The following ZFP64 variants were observed in gnomAD, a reference collection of about 807,000 sequenced individuals.
The protein encoded by ZFP64 is ZFP64 zinc finger protein.
A neutral mutation model predicts 51.6 loss-of-function variants in ZFP64; 14 were observed. The ratio of observed to expected loss-of-function variants is 0.27; its 90% CI spans 0.18 to 0.42. ZFP64 has a LOEUF of 0.42. Among genes scored for constraint, ZFP64 ranks in the 10% least tolerant of loss-of-function variants. The pLI, the probability that ZFP64 is intolerant of heterozygous loss-of-function variation, is 1.00. For synonymous variants in ZFP64, 375 were observed against 361.4 expected (o/e 1.04, Z -0.43); for missense variants, 754 against 906.8 (o/e 0.83, Z 2.16).
chr20:52,105,879 C>G (rs1242536452), intron 5 of ZFP64, among the ~76,000 whole-genome samples: 1 of 152,042 alleles, frequency 6.6e-6, no homozygotes, highest in African/African-American at 2.4e-5. Context: ...CCCTCACCAC[C>G]CCCATCACAC....
At chr20:52,159,009 T>C (rs1192837325) in intron 5 of ZFP64, among the ~76,000 whole-genome samples, 2 of 152,160 alleles carry the variant, frequency 1.3e-5, no homozygotes, top group African/African-American at 4.8e-5. Flanking sequence ...CAGAACCAGA[T>C]TGCCTCAGCC....
At chr20:52,129,358 A>G (rs1450273097) in intron 5 of ZFP64, among the ~76,000 whole-genome samples, 1 of 147,064 alleles carries the variant, frequency 6.8e-6, no homozygotes, top group Middle Eastern at 3.7e-3. Context: ...GGGTTTTGCT[A>G]TGTTGCCCAG....
At chr20:52,093,264 C>T (rs763130542) in intron 7 of ZFP64, among the ~76,000 whole-genome samples, 3 of 152,128 alleles carry the variant, frequency 2.0e-5, no homozygotes, top group Non-Finnish European at 4.4e-5. Context: ...CCTCAGCCTC[C>T]TAAGTAGCTG....
intron 3 of ZFP64, 88 bp from the exon 4 acceptor site, chr20:52,164,845 T>A: frequency 9.3e-7 from 1 of 1,077,568 alleles, no homozygotes; most frequent in African/African-American, 1.5e-5. Flanking sequence ...CTTAACCAAG[T>A]GACAAGAGTT....
chr20:52,098,518 G>GC lies in ZFP64; in HGVS notation c.832dup (p.Ala278GlyfsTer56). Reference sequence around the variant, plus strand: ...CTCTGAGGGAAGAGTGATGACAGGGGCCTTCGGAGTGTCAGTGCTTTCAGT... The same window carrying GC: ...CTCTGAGGGAAGAGTGATGACAGGGGCCCTTCGGAGTGTCAGTGCTTTCAGT... On this transcript the variant is annotated frameshift_variant, in exon 6 of 9. Transcript: ENST00000361387. LOFTEE classifies it high-confidence loss of function. 1.9e-6 allele frequency: 3 copies of GC among 1,614,172 alleles called. No homozygotes were observed. Among genetic ancestry groups the GC allele is most frequent in the Non-Finnish European group, 2.5e-6 (3 of 1,180,040 alleles).
chr20:52,164,552 C>A (rs1982081628), intron 4 of ZFP64, 143 bp downstream of exon 4: 2 of 726,956 alleles, frequency 2.8e-6, no homozygotes, highest in South Asian at 1.8e-5. Flanking sequence ...ACAAATGGCA[C>A]CTTATTTTTT....
rs758688097 is a variant in ZFP64, at chr20:52,152,778, C to T, written c.1414G>A (p.Ala472Thr). 6.9e-5 allele frequency: 111 copies of T among 1,604,902 alleles called. No individual in the cohort carries two copies. Among genetic ancestry groups the T allele is most frequent in the Non-Finnish European group, 8.9e-5 (105 of 1,173,850 alleles). The change falls in exon 6 of 6, where the codon GCC becomes ACC. Residue 472 changes from alanine to threonine, a missense_variant. Ala to Thr is a moderately conservative substitution (Grantham distance 58). Transcript: ENST00000216923. Reference sequence around the variant, plus strand: ...AGGTGTCCCACAGTGAGGGGCGTGGCGGGCTGCTTGCTGGGGTCGATCTGA... The same window carrying T: ...AGGTGTCCCACAGTGAGGGGCGTGGTGGGCTGCTTGCTGGGGTCGATCTGA... ...QFQIDPSKQP[A>T]TPLTVGHLQV...
intron 5 of ZFP64, among the ~76,000 whole-genome samples, chr20:52,113,981 T>C (rs1320279614): frequency 6.6e-6 from 1 of 151,980 alleles, no homozygotes; most frequent in Non-Finnish European, 1.5e-5. Context: ...AACACAAATG[T>C]AATAGCCAGC....
At chr20:52,133,661 C>A (rs1979831544) in intron 5 of ZFP64, among the ~76,000 whole-genome samples, 1 of 152,136 alleles carries the variant, frequency 6.6e-6, no homozygotes, top group South Asian at 2.1e-4. Flanking sequence ...GAACATACGA[C>A]CTGGCTTCCT....
rs761392470 is a variant in ZFP64, at chr20:52,152,722, G to C, written c.1470C>G (p.Pro490=). The change falls in exon 6 of 6, where the codon CCC becomes CCG. Residue 490 remains proline, a synonymous_variant. Coordinates refer to ENST00000216923, the MANE Select transcript of ZFP64 (RefSeq NM_018197.3). ...LQVPLQPSQV[P]QFSEGRVKII... ...TTTTGACTCTTCCCTCGCTGAACTGGGGCACTTGGCTGGGCTGGAGGGGCA... is the reference window on the plus strand; with the variant it reads ...TTTTGACTCTTCCCTCGCTGAACTGCGGCACTTGGCTGGGCTGGAGGGGCA... The C allele has an allele frequency of 6.4e-7, 1 of 1,570,490 alleles. No homozygotes were observed. Among genetic ancestry groups the C allele is most frequent in the Non-Finnish European group, 8.6e-7 (1 of 1,156,824 alleles).
At chr20:52,096,563 G>T (rs978600721) in intron 7 of ZFP64, among the ~76,000 whole-genome samples, 1 of 152,216 alleles carries the variant, frequency 6.6e-6, no homozygotes, top group Non-Finnish European at 1.5e-5. Context: ...ACAGATTAAG[G>T]GTTGGCAAAG....
intron 5 of ZFP64, among the ~76,000 whole-genome samples, chr20:52,107,598 T>G (rs1210496970): frequency 2.0e-5 from 3 of 152,230 alleles, no homozygotes; most frequent in Non-Finnish European, 4.4e-5. Context: ...AAAACAATTT[T>G]AATATTTAAA....
At chr20:52,092,106 C>A (rs1203254245) in intron 7 of ZFP64, among the ~76,000 whole-genome samples, 1 of 152,058 alleles carries the variant, frequency 6.6e-6, no homozygotes, top group African/African-American at 2.4e-5. Flanking sequence ...ATTCAAGAAA[C>A]CAAAAGAAAG....
intron 5 of ZFP64, among the ~76,000 whole-genome samples, chr20:52,115,398 C>T (rs984480705): frequency 1.3e-5 from 2 of 148,312 alleles, no homozygotes; most frequent in African/African-American, 4.9e-5. Context: ...TGGAAGAATA[C>T]ATGCTCGCTA....
intron 8 of ZFP64, chr20:52,088,293 C>CCA: frequency 6.5e-7 from 1 of 1,526,972 alleles, no homozygotes; most frequent in East Asian, 2.3e-5. Context: ...TGTACTTCTA[C>CCA]CACACCAAGT....
At chr20:52,126,164 C>T (rs992470261) in intron 5 of ZFP64, among the ~76,000 whole-genome samples, 7 of 152,306 alleles carry the variant, frequency 4.6e-5, no homozygotes, top group African/African-American at 1.7e-4. Flanking sequence ...TCCCAAAGTG[C>T]TGGGATTTCA....
intron 7 of ZFP64, among the ~76,000 whole-genome samples, chr20:52,091,471 T>C (rs2078926067): frequency 6.6e-6 from 1 of 152,222 alleles, no homozygotes; most frequent in Non-Finnish European, 1.5e-5. Flanking sequence ...GAATATCAAT[T>C]TTAGCATCAG....
Position 52,164,716 on chromosome 20 carries a change from G to C in ZFP64, c.490C>G (p.Arg164Gly). Residue 164 changes from arginine to glycine, a missense_variant, in exon 4 of 6, where the codon CGG becomes GGG. By Grantham distance (125) the Arg-to-Gly change is moderately radical. Transcript: ENST00000216923. The stretch of plus-strand genomic sequence containing the variant: ...TTACCCGTGTGAATTTTTAAATGCC[G>C]CTCCATGTCCTTCATGCCATAAGCA... ...KTAYGMKDME[R>G]HLKIHTGDKP... The C allele has an allele frequency of 6.2e-7, 1 of 1,613,448 alleles. No individual in the cohort carries two copies. The highest frequency in any genetic ancestry group is 1.1e-5 in the South Asian group (1 of 91,052).
At chr20:52,144,701 C>A (rs1980439737) in intron 5 of ZFP64, among the ~76,000 whole-genome samples, 1 of 149,898 alleles carries the variant, frequency 6.7e-6, no homozygotes, top group East Asian at 2.0e-4. Context: ...AATAAGTAAA[C>A]CCTTAGCATA....
Sources: gnomAD v4.1 joint callset for allele counts (sites outside exome capture counted in the v4.1 genomes callset) on GRCh38, gnomAD v4.1.1 for gene constraint, MANE v1.5 for transcripts, NCBI Gene and HGNC (gene_info 2026-07-23, HGNC 2026-07-21) for gene names.